Variants in ATXN1 observed in about 807,000 individuals in gnomAD.
ATXN1 encodes ataxin-1.
A neutral mutation model predicts 56.4 loss-of-function variants in ATXN1; 8 were observed. The observed-to-expected ratio is 0.14, with a 90% CI of 0.08 to 0.26. The LOEUF (loss-of-function observed/expected upper bound fraction) is 0.26. ATXN1 is among the 10% of genes least tolerant of loss of function. The pLI, the probability that ATXN1 is intolerant of heterozygous loss-of-function variation, is 1.00. For missense variants in ATXN1, 987 were observed against 1,106.5 expected, an observed-to-expected ratio of 0.89 and a Z score of 1.53; for synonymous variants, 514 against 494.6, an observed-to-expected ratio of 1.04 and a Z score of -0.52.
At position 16,758,897 on chromosome 6, in the gene ATXN1, A is replaced by G. The variant is rs74378680; in HGVS notation, c.-730+2401T>C. Among the ~76,000 whole-genome samples the G allele has an allele frequency of 4.3e-3, 648 of 152,352 alleles. 5 individuals carry two copies. The highest frequency in any genetic ancestry group is 0.014 in the African/African-American group (602 of 41,578). ...AGAGGAGATTAAATGCCACAGCGCTAGCCGTTATGGTGCAATCCCTTTCCA... is the reference window on the plus strand; with the variant it reads ...AGAGGAGATTAAATGCCACAGCGCTGGCCGTTATGGTGCAATCCCTTTCCA... On this transcript the variant is annotated intron_variant, in intron 1 of 7. Coordinates refer to ENST00000436367, the MANE Select transcript of ATXN1 (RefSeq NM_001128164.2).
intron 2 of ATXN1, among the ~76,000 whole-genome samples, chr6:16,703,239 C>A (rs1253500677): frequency 6.6e-6 from 1 of 152,012 alleles, no homozygotes; most frequent in Non-Finnish European, 1.5e-5. Context: ...GGACAAAAAA[C>A]CAAACACCGC....
chr6:16,578,451 C>T (rs150607950), intron 4 of ATXN1, among the ~76,000 whole-genome samples: 16 of 152,210 alleles, frequency 1.1e-4, no homozygotes, highest in Non-Finnish European at 1.9e-4. Flanking sequence ...AAGAGTTCTA[C>T]ATTTGTACTC....
chr6:16,411,661 G>A (rs1447352618), intron 6 of ATXN1, among the ~76,000 whole-genome samples: 2 of 152,208 alleles, frequency 1.3e-5, no homozygotes, highest in Non-Finnish European at 2.9e-5. Context: ...AGACGTTCAA[G>A]GATAATTAAA....
At chr6:16,620,720 G>A (rs1282650625) in intron 3 of ATXN1, among the ~76,000 whole-genome samples, 2 of 152,198 alleles carry the variant, frequency 1.3e-5, no homozygotes, top group African/African-American at 2.4e-5. Context: ...CATGGCACAG[G>A]TGTATTTACA....
intron 6 of ATXN1, among the ~76,000 whole-genome samples, chr6:16,466,209 G>A (rs1355275000): frequency 6.6e-6 from 1 of 151,320 alleles, no homozygotes; most frequent in African/African-American, 2.4e-5. Context: ...CAGCTACTAG[G>A]GAGGCTGAGG....
At chr6:16,658,094 T>G (rs1390186528) in intron 2 of ATXN1, among the ~76,000 whole-genome samples, 193 bp from the exon 3 acceptor site, 1 of 150,088 alleles carries the variant, frequency 6.7e-6, no homozygotes, top group African/African-American at 2.5e-5. Context: ...GGAGGTGGGG[T>G]GTGGGAAGGA....
At chr6:16,584,271 C>CACACACACACAT (rs770282172) in intron 4 of ATXN1, among the ~76,000 whole-genome samples, 7 of 140,244 alleles carry the variant, frequency 5.0e-5, no homozygotes, top group Non-Finnish European at 9.4e-5. Flanking sequence ...CACACACACA[C>CACACACACACAT]ATATACACAT....
intron 4 of ATXN1, among the ~76,000 whole-genome samples, chr6:16,565,059 C>T (rs1453929211): frequency 1.3e-5 from 2 of 152,200 alleles, no homozygotes; most frequent in Admixed American, 1.3e-4. Flanking sequence ...GGTTATTTCT[C>T]TTCTTCCCAT....
chr6:16,589,312 C>T (rs1320051490), intron 3 of ATXN1, among the ~76,000 whole-genome samples: 1 of 152,068 alleles, frequency 6.6e-6, no homozygotes, highest in African/African-American at 2.4e-5. Flanking sequence ...AGAGGTATCC[C>T]CTCATCATAG....
chr6:16,686,915 T>C (rs1440438209), intron 2 of ATXN1, among the ~76,000 whole-genome samples: 1 of 152,208 alleles, frequency 6.6e-6, no homozygotes, highest in Non-Finnish European at 1.5e-5. Context: ...TTTCAATGAA[T>C]AATGCAGTCT....
intron 6 of ATXN1, among the ~76,000 whole-genome samples, chr6:16,388,720 C>T (rs989664938): frequency 1.3e-5 from 2 of 152,250 alleles, no homozygotes; most frequent in South Asian, 4.1e-4. Context: ...TAGTGGAATG[C>T]TATGTGACCT....
chr6:16,744,654 A>G (rs1342774848), intron 2 of ATXN1, among the ~76,000 whole-genome samples: 2 of 152,186 alleles, frequency 1.3e-5, no homozygotes, highest in Non-Finnish European at 2.9e-5. Flanking sequence ...GCCCTTGGAA[A>G]TAGAAAGACT....
In ATXN1 at chr6:16,421,460, C is replaced by T. The variant is rs566089673; in HGVS notation, c.-161+64512G>A. 8.5e-5 allele frequency among the ~76,000 whole-genome samples: 13 copies of T among 152,250 alleles called. 1 individual carries two copies. The highest frequency in any genetic ancestry group is 5.9e-4 in the Admixed American group (9 of 15,298). ...TTGGTACAGCTCTGAGATTAGGAGA[C>T]AGAAAGCATGGAAAGGTCCTCAGAC... is the stretch of plus-strand genomic sequence containing the variant. On this transcript the variant is annotated intron_variant, in intron 6 of 7. Transcript: ENST00000436367.
At chr6:16,432,483 A>C (rs1449304040) in intron 6 of ATXN1, 1 of 152,240 alleles carries the variant, frequency 6.6e-6, no homozygotes, top group Non-Finnish European at 1.5e-5. Flanking sequence ...TTGAAGACCA[A>C]ACAGATTTAA....
At chr6:16,474,276 A>T (rs1350032430) in intron 6 of ATXN1, among the ~76,000 whole-genome samples, 2 of 152,252 alleles carry the variant, frequency 1.3e-5, no homozygotes, top group Admixed American at 1.3e-4. Flanking sequence ...AGCATCTTGA[A>T]GCAGAGCTTG....
intron 6 of ATXN1, among the ~76,000 whole-genome samples, chr6:16,472,323 C>T (rs1484948267): frequency 2.6e-5 from 4 of 152,116 alleles, no homozygotes; most frequent in Non-Finnish European, 4.4e-5. Flanking sequence ...TTGTACAGCA[C>T]AAAACATGGA....
rs1050743524 is a variant in ATXN1, at chr6:16,522,684, G to A, written c.-356C>T. On this transcript the variant is annotated 5_prime_UTR_variant, in exon 5 of 8. Transcript: ENST00000436367. Reference sequence around the variant, plus strand: ...CGAAGAAAATGGTCTAATTTCTTTGGAAAACTGGAATAGAAAAAAAGATTT... The same window carrying A: ...CGAAGAAAATGGTCTAATTTCTTTGAAAAACTGGAATAGAAAAAAAGATTT... 1.3e-5 allele frequency: 2 copies of A among 152,038 alleles called. No individual in the cohort carries two copies. Among genetic ancestry groups the A allele is most frequent in the Non-Finnish European group, 2.9e-5 (2 of 67,996 alleles). 9.4% of individuals were successfully genotyped at this position (152,038 alleles called of 1,614,324 possible). A position where few individuals can be genotyped will look rare whatever the true frequency, so the allele number is the denominator to read the frequency against.
intron 5 of ATXN1, among the ~76,000 whole-genome samples, chr6:16,519,556 C>T (rs1167018956): frequency 2.6e-5 from 4 of 152,182 alleles, no homozygotes; most frequent in Non-Finnish European, 5.9e-5. Context: ...CAATCTGCAG[C>T]ATATTAAATG....
chr6:16,594,319 T>C (rs1762776608), intron 3 of ATXN1, among the ~76,000 whole-genome samples: 1 of 151,128 alleles, frequency 6.6e-6, no homozygotes, highest in South Asian at 2.1e-4. Flanking sequence ...TGTTAAACAA[T>C]AGTGCCAAAT....
Sources: allele counts gnomAD v4.1 joint callset (sites outside exome capture counted in the v4.1 genomes callset), GRCh38; gene constraint gnomAD v4.1.1; transcripts MANE v1.5; gene names NCBI Gene and HGNC (gene_info 2026-07-23, HGNC 2026-07-21).